SLC9A9: variants seen among roughly 807,000 people sequenced by gnomAD.
SLC9A9 encodes solute carrier family 9 member A9.
SLC9A9 carries 62 observed loss-of-function variants against 77.8 expected under a neutral mutation model. The ratio of observed to expected loss-of-function variants is 0.80; its 90% CI spans 0.65 to 0.98. SLC9A9 has a LOEUF of 0.98. SLC9A9 is among the 50% of genes least tolerant of loss of function. SLC9A9 has a pLI of 0.00. For missense variants in SLC9A9, 775 were observed against 774.9 expected (o/e 1.00, Z 0.00); for synonymous variants, 320 against 283.5 (o/e 1.13, Z -1.29).
chr3:143,365,810 A>G (rs1232412282), intron 13 of SLC9A9, among the ~76,000 whole-genome samples: 1 of 152,146 alleles, frequency 6.6e-6, no homozygotes, highest in Non-Finnish European at 1.5e-5. Context: ...ACATCTGCAA[A>G]CTGTTTCTGA....
intron 6 of SLC9A9, among the ~76,000 whole-genome samples, chr3:143,647,419 A>G (rs549807295): frequency 7.4e-4 from 113 of 152,252 alleles, no homozygotes; most frequent in African/African-American, 2.6e-3. Flanking sequence ...ATGGGCTTTT[A>G]TTTTATAGTT....
At chr3:143,425,164 A>C (rs2034379870) in intron 12 of SLC9A9, among the ~76,000 whole-genome samples, 1 of 151,978 alleles carries the variant, frequency 6.6e-6, no homozygotes, top group African/African-American at 2.4e-5. Context: ...AGAGGGTTAT[A>C]TATATCGATT....
At chr3:143,738,903 T>C (rs1167113156) in intron 4 of SLC9A9, among the ~76,000 whole-genome samples, 3 of 152,344 alleles carry the variant, frequency 2.0e-5, no homozygotes, top group African/African-American at 7.2e-5. Context: ...ATATCCCCTC[T>C]GGATATACCA....
intron 6 of SLC9A9, among the ~76,000 whole-genome samples, chr3:143,603,348 C>T (rs564328767): frequency 2.9e-4 from 44 of 152,340 alleles, no homozygotes; most frequent in African/African-American, 1.0e-3. Context: ...TATTCACGCC[C>T]TCTACATTCC....
At chr3:143,539,453 A>G (rs988243910) in intron 9 of SLC9A9, among the ~76,000 whole-genome samples, 5 of 152,218 alleles carry the variant, frequency 3.3e-5, no homozygotes, top group African/African-American at 1.2e-4. Flanking sequence ...ATTTGGCAAC[A>G]TTCTTTAACA....
intron 12 of SLC9A9, among the ~76,000 whole-genome samples, chr3:143,384,491 C>T (rs2033375132): frequency 6.6e-6 from 1 of 152,180 alleles, no homozygotes; most frequent in Admixed American, 6.5e-5. Context: ...GTCTAGAAAC[C>T]TGGAGAGGAC....
chr3:143,348,084 G>A (rs186279339), intron 14 of SLC9A9, among the ~76,000 whole-genome samples: 223 of 150,252 alleles, frequency 1.5e-3, no homozygotes, highest in Admixed American at 4.4e-3. Context: ...TACGATCTCC[G>A]CTCACTGCAA....
chr3:143,482,135 G>C (rs1006037203), intron 11 of SLC9A9, among the ~76,000 whole-genome samples: 3 of 152,184 alleles, frequency 2.0e-5, no homozygotes, highest in Admixed American at 1.3e-4. Context: ...CACAAAACTT[G>C]AGTAGCAATG....
intron 8 of SLC9A9, among the ~76,000 whole-genome samples, chr3:143,573,537 C>T (rs1051851443): frequency 5.4e-4 from 82 of 152,222 alleles, no homozygotes; most frequent in African/African-American, 1.8e-3. Flanking sequence ...ATCAACTGTT[C>T]CACCTTAGAG....
intron 12 of SLC9A9, among the ~76,000 whole-genome samples, chr3:143,442,459 T>A (rs1258979279): frequency 1.3e-5 from 2 of 152,162 alleles, no homozygotes; most frequent in East Asian, 3.9e-4. Context: ...CGGTGGCTCA[T>A]GCCTGTAATC....
intron 9 of SLC9A9, among the ~76,000 whole-genome samples, chr3:143,515,409 CA>C (rs2036188762): frequency 1.3e-5 from 2 of 152,120 alleles, no homozygotes; most frequent in African/African-American, 4.8e-5. Flanking sequence ...CACAAAATTT[CA>C]ATTTGTAAAA....
At chr3:143,508,578 A>G (rs960038187) in intron 9 of SLC9A9, among the ~76,000 whole-genome samples, 4 of 152,350 alleles carry the variant, frequency 2.6e-5, no homozygotes, top group South Asian at 2.1e-4. Context: ...GTTAGTGTAT[A>G]TTGAGATTCC....
chr3:143,701,509 T>C (rs1933800758), intron 4 of SLC9A9, among the ~76,000 whole-genome samples: 1 of 152,120 alleles, frequency 6.6e-6, no homozygotes, highest in South Asian at 2.1e-4. Context: ...AAAAATGCAA[T>C]TGACACATGA....
chr3:143,313,787 G>A (rs1256488041), intron 14 of SLC9A9, among the ~76,000 whole-genome samples: 1 of 152,364 alleles, frequency 6.6e-6, no homozygotes, highest in African/African-American at 2.4e-5. Flanking sequence ...AGATGCTGCT[G>A]GGGAATGGCC....
intron 12 of SLC9A9, among the ~76,000 whole-genome samples, chr3:143,421,718 G>A (rs557408099): frequency 3.4e-4 from 51 of 152,104 alleles, no homozygotes; most frequent in Admixed American, 7.9e-4. Flanking sequence ...AAAAGCAAGT[G>A]CAACAAAAAC....
At position 143,693,230 on chromosome 3, in the gene SLC9A9, C is replaced by T. The variant is rs940475387; in HGVS notation, c.611G>A (p.Cys204Tyr). 4.3e-6 allele frequency: 7 copies of T among 1,613,250 alleles called. No homozygotes were observed. The highest frequency in any genetic ancestry group is 5.9e-6 in the Non-Finnish European group (7 of 1,179,514). The change falls in exon 5 of 16, where the codon TGT (cysteine) becomes TAT (tyrosine). Residue 204 changes from cysteine to tyrosine, a missense_variant. Coordinates refer to ENST00000316549, the MANE Select transcript of SLC9A9 (RefSeq NM_173653.4). ...LKNGDFHFTDCLFFGSLMSAT... is the reference protein window; with the variant it reads ...LKNGDFHFTDYLFFGSLMSAT... ...AGACATCAGTGAACCAAAAAATAAACAGTCAGTGAAATGAAAGTCTCCATT... is the reference window on the plus strand; with the variant it reads ...AGACATCAGTGAACCAAAAAATAAATAGTCAGTGAAATGAAAGTCTCCATT...
intron 4 of SLC9A9, among the ~76,000 whole-genome samples, chr3:143,712,361 G>A (rs905789342): frequency 6.6e-6 from 1 of 152,186 alleles, no homozygotes; most frequent in Admixed American, 6.5e-5. Flanking sequence ...GAGGTTCAGA[G>A]GAAGAGGAAA....
chr3:143,749,840 G>A (rs1351600508), intron 4 of SLC9A9, among the ~76,000 whole-genome samples: 2 of 152,102 alleles, frequency 1.3e-5, no homozygotes, highest in South Asian at 2.1e-4. Flanking sequence ...TGAGAACTGC[G>A]GGCTAGACTA....
intron 2 of SLC9A9, among the ~76,000 whole-genome samples, chr3:143,798,336 C>T (rs1035820532): frequency 6.6e-5 from 10 of 152,172 alleles, no homozygotes; most frequent in African/African-American, 2.4e-4. Flanking sequence ...ATTATTCACC[C>T]ACATTCCATT....
Sources: allele counts gnomAD v4.1 joint callset (sites outside exome capture counted in the v4.1 genomes callset), GRCh38; gene constraint gnomAD v4.1.1; transcripts MANE v1.5; gene names NCBI Gene and HGNC (gene_info 2026-07-23, HGNC 2026-07-21).